Variants in CDH13 observed in about 807,000 individuals in gnomAD.
CDH13 encodes cadherin-13.
CDH13 carries 24 observed loss-of-function variants against 63.8 expected under a neutral mutation model. The ratio of observed to expected loss-of-function variants is 0.38; its 90% CI spans 0.27 to 0.53. CDH13 has a LOEUF of 0.53. CDH13 is among the 20% of genes least tolerant of loss of function. The pLI is 0.85. For missense variants in CDH13, 1,049 were observed against 903.1 expected (o/e 1.16, Z -2.07); for synonymous variants, 503 against 355.3 (o/e 1.42, Z -4.67).
At position 83,777,693 on chromosome 16, in the gene CDH13, C is replaced by T. The variant is rs113396500; in HGVS notation, c.1682-2275C>T. Among the ~76,000 whole-genome samples, 1,210 of 152,336 alleles carry T rather than the reference C, an allele frequency of 7.9e-3. 14 individuals carry two copies. Among genetic ancestry groups the T allele is most frequent in the African/African-American group, 0.028 (1,148 of 41,580 alleles). ...AAGCTGTCTGCATCTAAAGAGGTCT[C>T]CTTGCTTCTTTGCTAGGACTTGCCT... is the stretch of plus-strand genomic sequence containing the variant. On this transcript the variant is annotated intron_variant, in intron 11 of 13. Transcript: ENST00000567109.
In CDH13 at chr16:82,627,337, C is replaced by CGTGTGTGTGTGTGT. The variant is rs71146081; in HGVS notation, c.45+231_45+244dup. On this transcript the variant is annotated intron_variant, in intron 1 of 13. Coordinates refer to ENST00000567109, the MANE Select transcript of CDH13 (RefSeq NM_001257.5). ...ACACACAGGCTCCCACTCTGGCGTG[C>CGTGTGTGTGTGTGT]GTGTGTGTGTGTGTGTGTGTGTGTG... 5.3e-4 allele frequency among the ~76,000 whole-genome samples: 69 copies of CGTGTGTGTGTGTGT among 131,238 alleles called. No individual in the cohort carries two copies. The East Asian group carries it at 6.8e-3, about 13-fold the overall frequency. 86.1% of individuals were successfully genotyped at this position (131,238 alleles called of 152,430 possible).
At chr16:83,564,730 G>A (rs549033176) in intron 7 of CDH13, among the ~76,000 whole-genome samples, 2 of 152,224 alleles carry the variant, frequency 1.3e-5, no homozygotes, top group East Asian at 3.9e-4. Flanking sequence ...TAAACCAAGT[G>A]ACAAAAAGGT....
intron 10 of CDH13, among the ~76,000 whole-genome samples, chr16:83,727,175 C>T (rs941376040): frequency 6.6e-6 from 1 of 152,042 alleles, no homozygotes; most frequent in African/African-American, 2.4e-5. Context: ...TAACCGTTAA[C>T]GTGCTTCCTT....
At chr16:82,672,005 G>A (rs1913305927) in intron 1 of CDH13, among the ~76,000 whole-genome samples, 1 of 152,086 alleles carries the variant, frequency 6.6e-6, no homozygotes, top group Non-Finnish European at 1.5e-5. Flanking sequence ...TGGAAAGAAT[G>A]GCATCATTTC....
intron 8 of CDH13, among the ~76,000 whole-genome samples, chr16:83,604,794 G>A (rs1222399426): frequency 6.6e-6 from 1 of 152,180 alleles, no homozygotes; most frequent in Non-Finnish European, 1.5e-5. Flanking sequence ...CCCAAAATAT[G>A]AAGATGAATC....
chr16:83,631,812 T>C (rs983759375), intron 8 of CDH13, among the ~76,000 whole-genome samples: 5 of 152,130 alleles, frequency 3.3e-5, no homozygotes, highest in African/African-American at 1.2e-4. Flanking sequence ...CCAATGAACT[T>C]GTAGGTTGTT....
intron 5 of CDH13, among the ~76,000 whole-genome samples, chr16:83,306,149 G>T (rs2089871535): frequency 6.6e-6 from 1 of 152,202 alleles, no homozygotes; most frequent in African/African-American, 2.4e-5. Context: ...GCTGGGGAAG[G>T]TGGGGAGCTA....
chr16:83,511,345 C>G (rs898215889), intron 7 of CDH13, among the ~76,000 whole-genome samples: 1 of 152,034 alleles, frequency 6.6e-6, no homozygotes, highest in African/African-American at 2.4e-5. Flanking sequence ...GCCTGTAACC[C>G]CATCTACTCG....
chr16:83,019,104 A>C (rs1015162061), intron 2 of CDH13, among the ~76,000 whole-genome samples: 11 of 152,234 alleles, frequency 7.2e-5, no homozygotes, highest in Admixed American at 6.5e-4. Context: ...ACTTTAGCTT[A>C]CTGTAACTTT....
At chr16:83,279,803 C>G (rs1207009696) in intron 5 of CDH13, among the ~76,000 whole-genome samples, 4 of 151,576 alleles carry the variant, frequency 2.6e-5, no homozygotes, top group Admixed American at 6.6e-5. Flanking sequence ...TTTCAGACCA[C>G]CACAATCAAA....
At chr16:82,885,696 G>T (rs943290630) in intron 2 of CDH13, among the ~76,000 whole-genome samples, 6 of 152,056 alleles carry the variant, frequency 3.9e-5, no homozygotes, top group Non-Finnish European at 8.8e-5. Flanking sequence ...TAGTGCATTG[G>T]TTACAAGCAC....
At chr16:83,280,297 G>C (rs1357087782) in intron 5 of CDH13, among the ~76,000 whole-genome samples, 1 of 152,126 alleles carries the variant, frequency 6.6e-6, no homozygotes, top group Admixed American at 6.6e-5. Flanking sequence ...TTTCAACTAT[G>C]TTCATAGTAG....
At chr16:83,322,112 G>A (rs561608079) in intron 5 of CDH13, among the ~76,000 whole-genome samples, 54 of 152,296 alleles carry the variant, frequency 3.5e-4, no homozygotes, top group East Asian at 2.7e-3. Context: ...CTGTTACTAG[G>A]AAGCCCAGAG....
intron 13 of CDH13, chr16:83,790,254 T>C (rs984444620): frequency 6.6e-6 from 1 of 152,216 alleles, no homozygotes; most frequent in Non-Finnish European, 1.5e-5. Flanking sequence ...GACCTGATCC[T>C]GTAGGTGGCT....
rs118098380 is a variant in CDH13 at position 83,680,362 on chromosome 16, C to T, written c.1538+1901C>T. 5.7e-3 allele frequency among the ~76,000 whole-genome samples: 866 copies of T among 152,226 alleles called. 1 individual carries two copies. Among genetic ancestry groups the T allele is most frequent in the Non-Finnish European group, 9.8e-3 (664 of 68,016 alleles). ...TTCCCAGATACACAGCACAGAGGGC[C>T]GCTGACTGAGAAGGAGGGATGAACA... is the stretch of plus-strand genomic sequence containing the variant. On this transcript the variant is annotated intron_variant, in intron 10 of 13. Coordinates refer to ENST00000567109, the MANE Select transcript of CDH13 (RefSeq NM_001257.5).
chr16:83,475,998 A>G (rs2151546333), intron 6 of CDH13, among the ~76,000 whole-genome samples: 1 of 152,334 alleles, frequency 6.6e-6, no homozygotes, highest in South Asian at 2.1e-4. Flanking sequence ...ATTAATATTT[A>G]GTGTCAGTTA....
At chr16:83,707,395 A>T (rs1231064767) in intron 10 of CDH13, among the ~76,000 whole-genome samples, 1 of 152,086 alleles carries the variant, frequency 6.6e-6, no homozygotes, top group Non-Finnish European at 1.5e-5. Flanking sequence ...TTATCCAAAC[A>T]TTTCCAAACA....
intron 2 of CDH13, among the ~76,000 whole-genome samples, chr16:82,934,586 T>C (rs554871718): frequency 7.9e-4 from 121 of 152,316 alleles, no homozygotes; most frequent in African/African-American, 2.8e-3. Context: ...ACATGGGTTT[T>C]TCTTTTCTAT....
At chr16:83,385,352 A>G (rs962579035) in intron 6 of CDH13, among the ~76,000 whole-genome samples, 3 of 152,200 alleles carry the variant, frequency 2.0e-5, no homozygotes, top group Non-Finnish European at 4.4e-5. Flanking sequence ...CCAGTGATAA[A>G]TGAATCTCCC....
Sources: gnomAD v4.1 joint callset for allele counts (sites outside exome capture counted in the v4.1 genomes callset) on GRCh38, gnomAD v4.1.1 for gene constraint, MANE v1.5 for transcripts, NCBI Gene and HGNC (gene_info 2026-07-23, HGNC 2026-07-21) for gene names.